Variants in MMP28 observed in about 807,000 individuals in gnomAD.
MMP28 encodes matrix metalloproteinase-28.
A neutral mutation model predicts 60.5 loss-of-function variants in MMP28; 55 were observed. That is an observed-to-expected ratio of 0.91 (90% CI 0.73 to 1.14). The LOEUF (loss-of-function observed/expected upper bound fraction) is 1.14, where lower values mean the gene tolerates loss of function less well. MMP28 is among the 50% of genes most tolerant of loss of function. The pLI, the probability that MMP28 is intolerant of heterozygous loss-of-function variation, is 0.00. For missense variants in MMP28, 686 were observed against 738.3 expected, an observed-to-expected ratio of 0.93 and a Z score of 0.82; for synonymous variants, 318 against 312.5, an observed-to-expected ratio of 1.02 and a Z score of -0.18.
intron 5 of MMP28, among the ~76,000 whole-genome samples, chr17:35,769,372 T>C (rs540066628): frequency 7.2e-5 from 11 of 152,104 alleles, no homozygotes; most frequent in Non-Finnish European, 1.5e-4. Context: ...AGGACCTCAG[T>C]TGTTATCTCT....
At position 35,790,958 on chromosome 17, in the gene MMP28, C is replaced by A. The variant is rs138523004; in HGVS notation, c.111+4309G>T. On this transcript the variant is annotated intron_variant, in intron 1 of 7. Coordinates refer to ENST00000605424, the MANE Select transcript of MMP28 (RefSeq NM_024302.5). ...TTGCCCAGGCTGCTCTCAAACTCCT[C>A]GGCTCAAGCAATCCTCCAGCCCCGG... Among the ~76,000 whole-genome samples the A allele has an allele frequency of 1.6e-3, 241 of 150,698 alleles. 1 individual carries two copies. The highest frequency in any genetic ancestry group is 5.5e-3 in the African/African-American group (224 of 41,014).
chr17:35,760,958 AGTGGGGCTGGAGGCAGG>A (rs782452635), downstream of MMP28: 48 of 1,613,190 alleles, frequency 3.0e-5, no homozygotes, highest in Admixed American at 5.0e-5. Flanking sequence ...AAGCATGGTG[AGTGGGGCTGGAGGCAGG>A]GTGGGGCTGG....
At chr17:35,771,729 AT>A in intron 4 of MMP28, among the ~76,000 whole-genome samples, 3 of 92,958 alleles carry the variant, frequency 3.2e-5, no homozygotes, top group Non-Finnish European at 6.9e-5. Context: ...ATATATATAT[AT>A]ATATATATAT....
chr17:35,778,582 G>A (rs759388722), intron 3 of MMP28: 50 of 483,084 alleles, frequency 1.0e-4, no homozygotes, highest in Non-Finnish European at 1.6e-4. Context: ...AAATATAAAT[G>A]AAAAATGTTA....
At chr17:35,785,210 T>C (rs528714455) in intron 1 of MMP28, among the ~76,000 whole-genome samples, 1 of 152,250 alleles carries the variant, frequency 6.6e-6, no homozygotes, top group African/African-American at 2.4e-5. Flanking sequence ...CTAGCCTATT[T>C]AGTGCCTGAG....
At position 35,770,120 on chromosome 17, in the gene MMP28, C is replaced by T; in HGVS notation, c.797G>A (p.Gly266Asp). 6.2e-7 allele frequency: 1 copy of T among 1,606,186 alleles called. No homozygotes were observed. Among genetic ancestry groups the T allele is most frequent in the African/African-American group, 1.3e-5 (1 of 74,856 alleles). The change falls in exon 5 of 8, where the codon GGC becomes GAC. Residue 266 changes from glycine (G) to aspartate (D), a missense_variant. Coordinates refer to ENST00000605424, the MANE Select transcript of MMP28 (RefSeq NM_024302.5). The part of the protein sequence containing the change: ...ALMAPYYKRL[G>D]RDALLSWDDV... ...GTCCCAGCTGAGCAGCGCGTCGCGG[C>T]CCAGCCTCTTGTAGTAGGGCGCCAT...
chr17:35,764,604 G>C (rs199950029), downstream of MMP28: 1,198 of 1,584,390 alleles, frequency 7.6e-4, 1 homozygote, highest in Non-Finnish European at 9.9e-4. Flanking sequence ...GGCGGGGGCC[G>C]CTGGGAACTC....
intron 1 of MMP28, among the ~76,000 whole-genome samples, chr17:35,791,277 C>G (rs982034735): frequency 1.8e-4 from 28 of 152,024 alleles, no homozygotes; most frequent in African/African-American, 6.5e-4. Flanking sequence ...AGAATTCCAG[C>G]CTTAATCCCA....
intron 4 of MMP28, among the ~76,000 whole-genome samples, chr17:35,771,676 TATAC>T (rs1179212244): frequency 1.6e-5 from 2 of 121,580 alleles, no homozygotes; most frequent in African/African-American, 6.1e-5. Context: ...TTAAAGAAAA[TATAC>T]ATACATATAG....
intron 5 of MMP28, 29 bp from the exon 6 acceptor site, chr17:35,768,408 G>C: frequency 6.4e-7 from 1 of 1,566,512 alleles, no homozygotes; most frequent in Non-Finnish European, 8.6e-7. Context: ...AAGAGAGAGA[G>C]AGAACACACA....
Position 35,795,493 on chromosome 17 carries a change from A to T in MMP28, c.-116T>A. 1.5e-6 allele frequency: 1 copy of T among 676,222 alleles called. No homozygotes were observed. The highest frequency in any genetic ancestry group is 2.2e-6 in the Non-Finnish European group (1 of 456,612). 41.9% of individuals were successfully genotyped at this position (676,222 alleles called of 1,614,324 possible). A position where few individuals can be genotyped will look rare whatever the true frequency, so the allele number is the denominator to read the frequency against. ...ACTGCTCTGCGCCGCCCCCGCACGG[A>T]GAGGGACTGTCCCGGGGTTTCGCCA... On this transcript the variant is annotated 5_prime_UTR_variant, in exon 1 of 8. Coordinates refer to ENST00000605424, the MANE Select transcript of MMP28 (RefSeq NM_024302.5).
At position 35,786,699 on chromosome 17, in the gene MMP28, C is replaced by CAAAAAAAAAAAAAAAAAAAAAAAAA. The variant is rs200165337; in HGVS notation, c.112-7377_112-7376insTTTTTTTTTTTTTTTTTTTTTTTTT. 3.4e-3 allele frequency among the ~76,000 whole-genome samples: 239 copies of CAAAAAAAAAAAAAAAAAAAAAAAAA among 70,980 alleles called. 20 individuals are homozygous for CAAAAAAAAAAAAAAAAAAAAAAAAA. Among genetic ancestry groups the CAAAAAAAAAAAAAAAAAAAAAAAAA allele is most frequent in the African/African-American group, 0.011 (180 of 15,700 alleles). The allele number at this position is 70,980 out of a possible 152,430, so 46.6% of individuals were successfully genotyped here. A position where few individuals can be genotyped will look rare whatever the true frequency, so the allele number is the denominator to read the frequency against. On this transcript the variant is annotated intron_variant, in intron 1 of 7. Coordinates refer to ENST00000605424, the MANE Select transcript of MMP28 (RefSeq NM_024302.5). ...GCCTCATAGTGAGATCCTGTCTCTA[C>CAAAAAAAAAAAAAAAAAAAAAAAAA]AAAAAAAAAAAAAAAAGATGAATGA... is the stretch of plus-strand genomic sequence containing the variant.
intron 5 of MMP28, among the ~76,000 whole-genome samples, chr17:35,769,345 A>T (rs2086047153): frequency 6.6e-6 from 1 of 152,246 alleles, no homozygotes; most frequent in Non-Finnish European, 1.5e-5. Context: ...GTAGCACAAC[A>T]GCCCTGTCAG....
chr17:35,763,314 T>C (rs587739665), downstream of MMP28, among the ~76,000 whole-genome samples: 173 of 151,824 alleles, frequency 1.1e-3, no homozygotes, highest in African/African-American at 3.8e-3. Flanking sequence ...TCTCACTCTG[T>C]CACCTAGGCT....
chr17:35,763,968 G>A (rs1199566146), downstream of MMP28: 3 of 1,398,126 alleles, frequency 2.1e-6, no homozygotes, highest in Non-Finnish European at 2.8e-6. Context: ...CCCTTTCTCG[G>A]GGACAGCAGG....
chr17:35,778,017 ACT>A (rs905767015), intron 3 of MMP28, among the ~76,000 whole-genome samples: 6 of 152,120 alleles, frequency 3.9e-5, no homozygotes, highest in African/African-American at 1.4e-4. Flanking sequence ...ATGGAACAAG[ACT>A]CTGTCTTTAA....
chr17:35,763,596 T>G (rs955191285), downstream of MMP28, among the ~76,000 whole-genome samples: 1 of 151,706 alleles, frequency 6.6e-6, no homozygotes, highest in Non-Finnish European at 1.5e-5. Flanking sequence ...TTAAAAAATT[T>G]TTTTGAAAAA....
At chr17:35,790,089 CAG>C (rs1373319971) in intron 1 of MMP28, among the ~76,000 whole-genome samples, 4 of 83,068 alleles carry the variant, frequency 4.8e-5, no homozygotes, top group Non-Finnish European at 6.6e-5. Flanking sequence ...TTTTTTGAGA[CAG>C]AGTCTCGCTC....
At chr17:35,794,715 C>T (rs1389268566) in intron 1 of MMP28, among the ~76,000 whole-genome samples, 1 of 152,174 alleles carries the variant, frequency 6.6e-6, no homozygotes, top group African/African-American at 2.4e-5. Flanking sequence ...CCTGAAGCCC[C>T]GTTTAAAGCT....
Sources: allele counts gnomAD v4.1 joint callset (sites outside exome capture counted in the v4.1 genomes callset), GRCh38; gene constraint gnomAD v4.1.1; transcripts MANE v1.5; gene names NCBI Gene and HGNC (gene_info 2026-07-23, HGNC 2026-07-21).